Variants in ACVR1C observed in about 807,000 individuals in gnomAD.
ACVR1C encodes activin A receptor type 1C, also known as activin receptor type-1C.
ACVR1C carries 23 observed loss-of-function variants against 57.9 expected under a neutral mutation model. That is an observed-to-expected ratio of 0.40 (90% CI 0.29 to 0.56). The LOEUF (loss-of-function observed/expected upper bound fraction) is 0.56, where lower values mean the gene tolerates loss of function less well. Among genes scored for constraint, ACVR1C ranks in the 20% least tolerant of loss-of-function variants. The pLI, the probability that ACVR1C is intolerant of heterozygous loss-of-function variation, is 0.50. For synonymous variants in ACVR1C, 214 were observed against 215.3 expected (o/e 0.99, Z 0.05); for missense variants, 480 against 607.9 (o/e 0.79, Z 2.21).
chr2:157,537,331 G>A (rs1450211672), intron 8 of ACVR1C, among the ~76,000 whole-genome samples: 6 of 151,800 alleles, frequency 4.0e-5, no homozygotes, highest in African/African-American at 2.4e-5. Context: ...GGATTCACTA[G>A]TTTTCATTCT....
intron 1 of ACVR1C, among the ~76,000 whole-genome samples, chr2:157,626,142 AT>A (rs1173861415): frequency 3.9e-5 from 6 of 152,034 alleles, no homozygotes; most frequent in African/African-American, 4.8e-5. Context: ...TTGTTTTTAA[AT>A]TTTTTGTAGA....
chr2:157,574,020 A>G (rs1688587356), intron 2 of ACVR1C, among the ~76,000 whole-genome samples: 1 of 152,238 alleles, frequency 6.6e-6, no homozygotes, highest in African/African-American at 2.4e-5. Flanking sequence ...AGAAAAGCCC[A>G]TGCCCGACAC....
chr2:157,601,703 C>T (rs1435238230), intron 1 of ACVR1C, among the ~76,000 whole-genome samples: 2 of 152,162 alleles, frequency 1.3e-5, no homozygotes, highest in Non-Finnish European at 2.9e-5. Context: ...TAAAAAAGAT[C>T]CTGCACTTTG....
chr2:157,540,021 T>C (rs979886458), intron 7 of ACVR1C, among the ~76,000 whole-genome samples: 60 of 152,276 alleles, frequency 3.9e-4, no homozygotes, highest in African/African-American at 1.4e-3. Flanking sequence ...AAAAAGACAA[T>C]AGTTTAATAA....
At chr2:157,584,579 G>T (rs572151486) in intron 2 of ACVR1C, among the ~76,000 whole-genome samples, 1 of 152,174 alleles carries the variant, frequency 6.6e-6, no homozygotes, top group South Asian at 2.1e-4. Context: ...AAATTAAAAA[G>T]ACTGATTATA....
chr2:157,554,268 A>AAAGAAAGAAAGAAAGGAAGGAAGG (rs1261113225), intron 3 of ACVR1C, among the ~76,000 whole-genome samples: 6 of 113,602 alleles, frequency 5.3e-5, no homozygotes, highest in East Asian at 4.8e-4. Context: ...AGAAAGAAAG[A>AAAGAAAGAAAGAAAGGAAGGAAGG]AAGGAAGGAA....
rs566476809 is a variant in ACVR1C at position 157,595,950 on chromosome 2, T to C, written c.74-8533A>G. ...CCATCCTTCCTGCTATGTATCACAATCTGTAATTCGCTTTTTAATTGTATT... is the reference window on the plus strand; with the variant it reads ...CCATCCTTCCTGCTATGTATCACAACCTGTAATTCGCTTTTTAATTGTATT... On this transcript the variant is annotated intron_variant, in intron 1 of 8. Transcript: ENST00000243349. Among the ~76,000 whole-genome samples, 42 of 152,370 alleles carry C rather than the reference T, an allele frequency of 2.8e-4. No individual in the cohort carries two copies. The South Asian group carries it at 7.9e-3, about 29-fold the overall frequency.
chr2:157,554,226 A>AGAAAGAAAGAAAGAAG (rs1688007725), intron 3 of ACVR1C, among the ~76,000 whole-genome samples: 1 of 125,044 alleles, frequency 8.0e-6, no homozygotes, highest in African/African-American at 3.9e-5. Flanking sequence ...AAAGAAAGAA[A>AGAAAGAAAGAAAGAAG]GAAAGAAAGA....
rs752830177 is a variant in ACVR1C at position 157,541,188 on chromosome 2, T to C, written c.1127A>G (p.Asp376Gly). ...KRYMAPEMLDDTMNVNIFESF... is the reference protein window; with the variant it reads ...KRYMAPEMLDGTMNVNIFESF... ...CTCAAAGATATTCACATTCATTGTA[T>C]CATCAAGCATTTCAGGAGCCATATA... Residue 376 changes from aspartate to glycine, a missense_variant, in exon 7 of 9, where the codon GAT becomes GGT. By Grantham distance (94) the Asp-to-Gly change is moderately conservative (BLOSUM62 -1). Transcript: ENST00000243349. 12 of 1,613,912 alleles carry C rather than the reference T, an allele frequency of 7.4e-6. No homozygotes were observed. The highest frequency in any genetic ancestry group is 1.0e-5 in the Non-Finnish European group (12 of 1,179,922).
At chr2:157,581,994 C>A (rs1211219824) in intron 2 of ACVR1C, among the ~76,000 whole-genome samples, 2 of 152,208 alleles carry the variant, frequency 1.3e-5, no homozygotes, top group East Asian at 1.9e-4. Context: ...CAGTGCTCAG[C>A]CTGAAAGTCC....
chr2:157,588,236 TACAC>T (rs10572950), intron 1 of ACVR1C, among the ~76,000 whole-genome samples: 55,072 of 147,708 alleles, frequency 0.37, 10,182 homozygotes, highest in African/African-American at 0.43. Flanking sequence ...CTCCACTTAC[TACAC>T]ACACACACAC....
intron 1 of ACVR1C, among the ~76,000 whole-genome samples, chr2:157,600,798 G>A: frequency 6.6e-6 from 1 of 152,132 alleles, no homozygotes; most frequent in African/African-American, 2.4e-5. Context: ...GCCGATCCTA[G>A]CTGAGCATCT....
intron 1 of ACVR1C, among the ~76,000 whole-genome samples, chr2:157,609,159 T>C (rs536846849): frequency 3.3e-5 from 5 of 151,994 alleles, no homozygotes; most frequent in Admixed American, 1.3e-4. Context: ...GGTTTTGATA[T>C]GCTGTTTTCA....
chr2:157,586,374 A>G (rs989142835), intron 2 of ACVR1C, among the ~76,000 whole-genome samples: 8 of 152,178 alleles, frequency 5.3e-5, no homozygotes, highest in African/African-American at 1.9e-4. Context: ...CATTGCCTTA[A>G]AATGTTAATT....
intron 1 of ACVR1C, among the ~76,000 whole-genome samples, chr2:157,615,318 C>CAAA (rs1245866633): frequency 5.3e-4 from 53 of 99,588 alleles, no homozygotes; most frequent in South Asian, 2.7e-3. Context: ...AACAATAATA[C>CAAA]AAAAAAAAAA....
chr2:157,609,077 G>A (rs1388730377), intron 1 of ACVR1C, among the ~76,000 whole-genome samples: 3 of 151,404 alleles, frequency 2.0e-5, no homozygotes, highest in Non-Finnish European at 4.4e-5. Context: ...TTTAAATCAG[G>A]TGTGTTTTTT....
In ACVR1C at chr2:157,550,099, TG is replaced by T; in HGVS notation, c.775+62del. The T allele has an allele frequency of 3.5e-6, 5 of 1,437,066 alleles. No homozygotes were observed. In the South Asian group the frequency reaches 5.0e-5, roughly 14 times the overall value. The allele number at this position is 1,437,066 out of a possible 1,614,324, so 89.0% of individuals were successfully genotyped here. A position where few individuals can be genotyped will look rare whatever the true frequency, so the allele number is the denominator to read the frequency against. Reference sequence around the variant, plus strand: ...CTGATACTAGACAACATTTTTTTTTTGAGACAGAGTCTCGCTCTAGACAGCA... The same window carrying T: ...CTGATACTAGACAACATTTTTTTTTTAGACAGAGTCTCGCTCTAGACAGCA... On this transcript the variant is annotated intron_variant, in intron 4 of 8. Coordinates refer to ENST00000243349, the MANE Select transcript of ACVR1C (RefSeq NM_145259.3).
At chr2:157,615,803 T>TA (rs930536203) in intron 1 of ACVR1C, among the ~76,000 whole-genome samples, 1 of 152,000 alleles carries the variant, frequency 6.6e-6, no homozygotes, top group Non-Finnish European at 1.5e-5. Flanking sequence ...AATTAAAAAT[T>TA]AAAAAAAATA....
chr2:157,552,231 C>T (rs1269849604), intron 3 of ACVR1C, among the ~76,000 whole-genome samples: 1 of 152,216 alleles, frequency 6.6e-6, no homozygotes. Flanking sequence ...CTCCCAGGTT[C>T]AAGCGATTCT....
Sources: gnomAD v4.1 joint callset for allele counts (sites outside exome capture counted in the v4.1 genomes callset) on GRCh38, gnomAD v4.1.1 for gene constraint, MANE v1.5 for transcripts, NCBI Gene and HGNC (gene_info 2026-07-23, HGNC 2026-07-21) for gene names.